Variants in NPSR1 observed in about 807,000 individuals in gnomAD.
NPSR1 encodes neuropeptide S receptor.
In NPSR1, 48 loss-of-function variants were observed where a neutral mutation model predicts 46.9. The ratio of observed to expected loss-of-function variants is 1.02; its 90% CI spans 0.81 to 1.30. NPSR1 has a LOEUF of 1.30. NPSR1 is among the 50% of genes most tolerant of loss of function. The probability of loss-of-function intolerance (pLI) is 0.00; values close to 1 mark genes in which losing one functional copy is unlikely to be tolerated. For synonymous variants in NPSR1, 176 were observed against 168.1 expected, an observed-to-expected ratio of 1.05 and a Z score of -0.36; for missense variants, 450 against 449.5, an observed-to-expected ratio of 1.00 and a Z score of -0.01.
chr7:34,723,993 C>T (rs11773493), intron 2 of NPSR1, among the ~76,000 whole-genome samples: 18,511 of 152,074 alleles, frequency 0.12, 1,229 homozygotes, highest in Middle Eastern at 0.17. Context: ...TTGGTTGAAC[C>T]GAAACCCATC....
At chr7:34,788,162 T>C (rs1787549706) in intron 3 of NPSR1, among the ~76,000 whole-genome samples, 2 of 150,336 alleles carry the variant, frequency 1.3e-5, no homozygotes, top group South Asian at 4.2e-4. Context: ...AAGTGTAGAG[T>C]TTTTGTGTGT....
At chr7:34,867,281 T>C (rs2128769205) in intron 8 of NPSR1, among the ~76,000 whole-genome samples, 1 of 151,990 alleles carries the variant, frequency 6.6e-6, no homozygotes, top group East Asian at 1.9e-4. Context: ...AGCCAAGCCC[T>C]GGAGAAGATG....
intron 1 of NPSR1, among the ~76,000 whole-genome samples, chr7:34,664,836 C>T (rs1791658621): frequency 6.6e-6 from 1 of 152,152 alleles, no homozygotes; most frequent in South Asian, 2.1e-4. Context: ...TTCCAGGCCA[C>T]AGATGGCAAA....
Position 34,802,155 on chromosome 7 carries a change from G to A in NPSR1, c.385-9615G>A, listed in dbSNP as rs1004439237. Among the ~76,000 whole-genome samples, 6 of 150,344 alleles carry A rather than the reference G, an allele frequency of 4.0e-5. 1 individual carries two copies. The highest frequency in any genetic ancestry group is 6.6e-5 in the Admixed American group (1 of 15,212). ...CCCATACTGCCCAAGGTATTTTATA[G>A]ATTCAATGCCATCCCCATCAAGCTA... On this transcript the variant is annotated intron_variant, in intron 3 of 8. Transcript: ENST00000360581.
chr7:34,832,174 G>T (rs956810938), intron 5 of NPSR1, among the ~76,000 whole-genome samples: 1 of 152,218 alleles, frequency 6.6e-6, no homozygotes. Context: ...ACAGATTATG[G>T]AGTCATTTTG....
chr7:34,750,672 A>AACTG (rs2128723674), intron 2 of NPSR1: 1 of 702,756 alleles, frequency 1.4e-6, no homozygotes, highest in East Asian at 2.9e-5. Flanking sequence ...GACAAAAAAG[A>AACTG]ACTGAAGATG....
At chr7:34,663,067 C>CTCTCTCTCTCTCTCTCTGTGTG (rs35826710) in intron 1 of NPSR1, among the ~76,000 whole-genome samples, 1 of 99,384 alleles carries the variant, frequency 1.0e-5, no homozygotes, top group African/African-American at 5.7e-5. Context: ...CTCTCTCTCT[C>CTCTCTCTCTCTCTCTCTGTGTG]TGTGTGTGTG....
Position 34,708,862 on chromosome 7 carries a change from G to A in NPSR1, c.280+24178G>A, listed in dbSNP as rs117901986. ...CTCCCTGATATTCACATAGGAAGGT[G>A]AGTGGTGAGCAGTAAACTTCAGGAC... On this transcript the variant is annotated intron_variant, in intron 2 of 8. Transcript: ENST00000360581. Among the ~76,000 whole-genome samples the A allele has an allele frequency of 1.3e-3, 194 of 152,318 alleles. 2 individuals are homozygous for A. The highest frequency in any genetic ancestry group is 2.4e-3 in the Non-Finnish European group (160 of 68,022).
intron 3 of NPSR1, among the ~76,000 whole-genome samples, chr7:34,809,612 C>T (rs1291142942): frequency 3.9e-5 from 6 of 151,946 alleles, no homozygotes; most frequent in South Asian, 2.1e-4. Flanking sequence ...TACAGGCGCC[C>T]GCCACTACGC....
intron 5 of NPSR1, among the ~76,000 whole-genome samples, chr7:34,828,012 C>T (rs540020923): frequency 2.0e-5 from 3 of 152,258 alleles, no homozygotes; most frequent in East Asian, 1.9e-4. Context: ...TTTTATATCT[C>T]GCAGCCTTCC....
At chr7:34,822,040 C>G (rs34083178) in intron 4 of NPSR1, among the ~76,000 whole-genome samples, 105 of 152,184 alleles carry the variant, frequency 6.9e-4, no homozygotes, top group African/African-American at 2.4e-3. Flanking sequence ...TCCCAGCACA[C>G]GAGGGAGCAG....
chr7:34,864,452 C>T (rs1331806324), intron 8 of NPSR1, among the ~76,000 whole-genome samples: 2 of 151,230 alleles, frequency 1.3e-5, no homozygotes, highest in African/African-American at 4.9e-5. Flanking sequence ...ATATAAACTC[C>T]TTCTCATCAT....
intron 2 of NPSR1, among the ~76,000 whole-genome samples, chr7:34,756,902 T>A (rs1785891934): frequency 6.6e-6 from 1 of 152,206 alleles, no homozygotes; most frequent in Non-Finnish European, 1.5e-5. Flanking sequence ...AGCCACATGC[T>A]TTATATGCTT....
At chr7:34,783,979 C>T (rs1256344932) in intron 3 of NPSR1, among the ~76,000 whole-genome samples, 1 of 151,968 alleles carries the variant, frequency 6.6e-6, no homozygotes. Flanking sequence ...AGTTCATCAC[C>T]ACCAAACCTA....
intron 3 of NPSR1, among the ~76,000 whole-genome samples, chr7:34,792,996 G>A (rs1164032279): frequency 6.6e-6 from 1 of 151,280 alleles, no homozygotes; most frequent in South Asian, 2.1e-4. Context: ...ACCAGCTTGG[G>A]AAACATAGCA....
chr7:34,742,259 A>G (rs566521284), intron 2 of NPSR1, among the ~76,000 whole-genome samples: 12 of 151,286 alleles, frequency 7.9e-5, no homozygotes, highest in Admixed American at 5.9e-4. Flanking sequence ...AGATTATTTC[A>G]TCACCCAGAT....
At chr7:34,660,676 G>C (rs140002565) in intron 1 of NPSR1, among the ~76,000 whole-genome samples, 1 of 152,208 alleles carries the variant, frequency 6.6e-6, no homozygotes, top group Non-Finnish European at 1.5e-5. Flanking sequence ...GGTGCCAAGA[G>C]TCATAGCAAG....
intron 3 of NPSR1, among the ~76,000 whole-genome samples, chr7:34,793,593 A>T (rs999706779): frequency 8.5e-5 from 13 of 152,162 alleles, no homozygotes; most frequent in Non-Finnish European, 1.5e-4. Flanking sequence ...AAGGATGTGG[A>T]GAAAGGAAAC....
chr7:34,723,347 C>T (rs1003533184), intron 2 of NPSR1: 1 of 152,500 alleles, frequency 6.6e-6, no homozygotes, highest in African/African-American at 2.4e-5. Flanking sequence ...GTCTAGGTGT[C>T]CTTTACCCAA....
Sources: allele counts gnomAD v4.1 joint callset (sites outside exome capture counted in the v4.1 genomes callset), GRCh38; gene constraint gnomAD v4.1.1; transcripts MANE v1.5; gene names NCBI Gene and HGNC (gene_info 2026-07-23, HGNC 2026-07-21).